The following NIN variants were observed in gnomAD, a reference collection of about 807,000 sequenced individuals.
The protein encoded by NIN is glycogen synthase kinase 3 beta-interacting protein.
Under a neutral mutation model 257.6 loss-of-function variants are expected in NIN, and 137 were observed. That is an observed-to-expected ratio of 0.53 (90% CI 0.46 to 0.61). The LOEUF is 0.61. Among genes scored for constraint, NIN ranks in the 20% least tolerant of loss-of-function variants. The pLI is 0.00. For synonymous variants in NIN, 918 were observed against 919.8 expected (o/e 1.00, Z 0.04); for missense variants, 2,439 against 2,501.2 (o/e 0.98, Z 0.53).
At position 50,729,654 on chromosome 14, in the gene NIN, G is replaced by A; in HGVS notation, c.5947C>T (p.Gln1983Ter). Residue 1983 changes from glutamine (Q) to a stop codon, truncating the protein, a stop_gained, in exon 29 of 31, where the codon CAG becomes TAG. Coordinates refer to ENST00000530997, the MANE Select transcript of NIN (RefSeq NM_020921.4). LOFTEE classifies it high-confidence loss of function. ...PHAWDLQLLQQQACPMVPREQ... is the reference protein window; with the variant it reads ...PHAWDLQLLQ ...CTGGGCACCATCGGACAGGCTTGCT[G>A]CTGGAGCAGCTGCAAATCCCAAGCA... 1 of 1,613,854 alleles carries A rather than the reference G, an allele frequency of 6.2e-7. No individual in the cohort carries two copies. The highest frequency in any genetic ancestry group is 8.5e-7 in the Non-Finnish European group (1 of 1,179,928).
intron 6 of NIN, 65 bp downstream of exon 6, chr14:50,778,700 C>G: frequency 1.0e-5 from 14 of 1,402,978 alleles, no homozygotes; most frequent in Non-Finnish European, 1.4e-5. Flanking sequence ...ATCAGAAAGA[C>G]CGGGTGTGGA....
chr14:50,738,473 G>A (rs890572073), intron 26 of NIN, among the ~76,000 whole-genome samples, 187 bp from the exon 27 acceptor site: 2 of 152,188 alleles, frequency 1.3e-5, no homozygotes, highest in African/African-American at 4.8e-5. Flanking sequence ...GAGTCTGGTT[G>A]GGTCTGCAAA....
rs531502926 is a variant in NIN at position 50,744,177 on chromosome 14, A to C, written c.5187+66T>G. ...ACAGGAGGCCCCTGTGCCACTGTCC[A>C]CAGAGAAAGGTTCATTATGGTGTGT... On this transcript the variant is annotated intron_variant, in intron 23 of 30. Coordinates refer to ENST00000530997, the MANE Select transcript of NIN (RefSeq NM_020921.4). The C allele has an allele frequency of 4.7e-5, 73 of 1,564,662 alleles. No individual in the cohort carries two copies. In the South Asian group the frequency reaches 5.9e-4, roughly 13 times the overall value.
intron 20 of NIN, among the ~76,000 whole-genome samples, chr14:50,753,668 AT>A (rs2041898392): frequency 6.6e-6 from 1 of 152,174 alleles, no homozygotes; most frequent in Non-Finnish European, 1.5e-5. Context: ...ATATATATTC[AT>A]TATTGTTTCA....
At chr14:50,799,543 G>A (rs1448843191) in intron 4 of NIN, among the ~76,000 whole-genome samples, 1 of 152,186 alleles carries the variant, frequency 6.6e-6, no homozygotes, top group Non-Finnish European at 1.5e-5. Flanking sequence ...GAGCTGCTCT[G>A]ATCTTATTCT....
Position 50,743,434 on chromosome 14 carries a change from C to A in NIN, c.5283G>T (p.Leu1761=). Residue 1761 remains leucine, a synonymous_variant, in exon 24 of 31, where the codon CTG becomes CTT. Transcript: ENST00000530997. The part of the protein sequence containing the change: ...EHQSASLKSQ[L]VASQEKVQNL... ...CATGTACCTTTTCCTGAGAAGCCACCAGCTGTGACTTTAAGCTCGCACTCT... is the reference window on the plus strand; with the variant it reads ...CATGTACCTTTTCCTGAGAAGCCACAAGCTGTGACTTTAAGCTCGCACTCT... 3 of 1,610,500 alleles carry A rather than the reference C, an allele frequency of 1.9e-6. No homozygotes were observed. The highest frequency in any genetic ancestry group is 2.5e-6 in the Non-Finnish European group (3 of 1,176,762).
chr14:50,726,780 T>C (rs2040428695), intron 29 of NIN, among the ~76,000 whole-genome samples: 1 of 152,190 alleles, frequency 6.6e-6, no homozygotes, highest in African/African-American at 2.4e-5. Context: ...ATTGACTTAT[T>C]AGAATGCAAC....
At chr14:50,748,881 C>T (rs768945157) in intron 21 of NIN, among the ~76,000 whole-genome samples, 3 of 152,194 alleles carry the variant, frequency 2.0e-5, no homozygotes, top group Non-Finnish European at 4.4e-5. Context: ...AATGGCCATA[C>T]TGCCCAAAGT....
intron 12 of NIN, 72 bp downstream of exon 12, chr14:50,770,316 C>T (rs2042678025): frequency 2.0e-6 from 3 of 1,477,382 alleles, no homozygotes; most frequent in Admixed American, 2.0e-5. Context: ...AACATGCCCA[C>T]TTCCAAAGCT....
At chr14:50,771,293 G>A (rs1319116143) in intron 10 of NIN, 39 bp downstream of exon 10, 1 of 1,606,544 alleles carries the variant, frequency 6.2e-7, no homozygotes, top group Non-Finnish European at 8.5e-7. Flanking sequence ...GGACAAGTAG[G>A]AAAGGGAATG....
chr14:50,760,069 A>G lies in NIN; in HGVS notation c.2187T>C (p.Ala729=). Residue 729 remains alanine (A), a synonymous_variant, in exon 17 of 31, where the codon GCT becomes GCC. Transcript: ENST00000530997. ...LRLQHEMELK[A]RLTQAQASFE... is the part of the protein sequence containing the mutation. ...AGCTTGCTTGAGCCTGTGTCAGTCT[A>G]GCCTTGAGCTCCATCTCATGTTGCA... The G allele has an allele frequency of 6.2e-7, 1 of 1,614,102 alleles. No homozygotes were observed. The highest frequency in any genetic ancestry group is 8.5e-7 in the Non-Finnish European group (1 of 1,180,010).
At chr14:50,756,220 C>T (rs2042020118) in intron 18 of NIN, among the ~76,000 whole-genome samples, 1 of 151,826 alleles carries the variant, frequency 6.6e-6, no homozygotes, top group Admixed American at 6.6e-5. Flanking sequence ...TAAAGAGGTA[C>T]ATTGAGGATG....
At chr14:50,824,053 C>CT (rs983499301) in intron 2 of NIN, among the ~76,000 whole-genome samples, 1 of 152,216 alleles carries the variant, frequency 6.6e-6, no homozygotes, top group Non-Finnish European at 1.5e-5. Flanking sequence ...TAGTCTCACT[C>CT]TGAGTTTTAC....
rs147387454 is a variant in NIN at position 50,729,540 on chromosome 14, C to T, written c.6061G>A (p.Glu2021Lys). 31 of 1,613,712 alleles carry T rather than the reference C, an allele frequency of 1.9e-5. No homozygotes were observed. The highest frequency in any genetic ancestry group is 9.3e-5 in the African/African-American group (7 of 74,932). The change falls in exon 29 of 31, where the codon GAA becomes AAA. Residue 2021 changes from glutamate to lysine, a missense_variant. Glu to Lys is a moderately conservative substitution (Grantham distance 56). Coordinates refer to ENST00000530997, the MANE Select transcript of NIN (RefSeq NM_020921.4). ...LQEELENRTS[E>K]TNTPQGNQEQ... ...CTTCATACCTGTGGTGTGTTGGTTT[C>T]GGAGGTCCTGTTTTCAAGTTCCTCC...
chr14:50,725,880 A>C (rs1394194053), intron 30 of NIN, 73 bp downstream of exon 30: 11 of 1,613,296 alleles, frequency 6.8e-6, no homozygotes, highest in Non-Finnish European at 7.6e-6. Flanking sequence ...AGTTAATGGC[A>C]ATAAAGGGAT....
intron 21 of NIN, among the ~76,000 whole-genome samples, chr14:50,748,914 C>T (rs933718982): frequency 4.6e-5 from 7 of 152,250 alleles, no homozygotes; most frequent in African/African-American, 1.7e-4. Flanking sequence ...CGGTGCTATT[C>T]CCATCAAGCT....
chr14:50,768,102 C>T (rs76106722), intron 12 of NIN, among the ~76,000 whole-genome samples: 68 of 148,448 alleles, frequency 4.6e-4, no homozygotes, highest in African/African-American at 1.5e-3. Context: ...CACACACAGA[C>T]GTGCCATTTG....
At chr14:50,824,440 C>T (rs559065325) in intron 2 of NIN, among the ~76,000 whole-genome samples, 1 of 152,260 alleles carries the variant, frequency 6.6e-6, no homozygotes, top group East Asian at 1.9e-4. Context: ...CAAGCACCAC[C>T]CCTGTGGAAC....
chr14:50,817,124 G>C (rs1367907736), intron 3 of NIN, among the ~76,000 whole-genome samples: 1 of 152,126 alleles, frequency 6.6e-6, no homozygotes, highest in Non-Finnish European at 1.5e-5. Flanking sequence ...CCACAGCATA[G>C]GCCATTTCCC....
Sources: allele counts gnomAD v4.1 joint callset (sites outside exome capture counted in the v4.1 genomes callset), GRCh38; gene constraint gnomAD v4.1.1; transcripts MANE v1.5; gene names NCBI Gene and HGNC (gene_info 2026-07-23, HGNC 2026-07-21).